Variants in PIP4K2A observed in about 807,000 individuals in gnomAD.
PIP4K2A encodes phosphatidylinositol 5-phosphate 4-kinase type-2 alpha.
A neutral mutation model predicts 42.9 loss-of-function variants in PIP4K2A; 14 were observed. The observed-to-expected ratio is 0.33, with a 90% CI of 0.22 to 0.51. The LOEUF is 0.51. Among genes scored for constraint, PIP4K2A ranks in the 20% least tolerant of loss-of-function variants. The pLI is 0.97. For missense variants in PIP4K2A, 434 were observed against 519.8 expected (o/e 0.83, Z 1.61); for synonymous variants, 192 against 192.2 (o/e 1.00, Z 0.01).
At chr10:22,698,526 T>C (rs1486708110) in intron 1 of PIP4K2A, among the ~76,000 whole-genome samples, 4 of 152,222 alleles carry the variant, frequency 2.6e-5, no homozygotes, top group African/African-American at 9.6e-5. Flanking sequence ...AGCAACATTA[T>C]TTGTGGTGGC....
intron 1 of PIP4K2A, among the ~76,000 whole-genome samples, chr10:22,619,246 A>G (rs1211025380): frequency 2.0e-5 from 3 of 152,114 alleles, no homozygotes; most frequent in Non-Finnish European, 2.9e-5. Flanking sequence ...ATTACAACCT[A>G]CCCTGCAAAC....
intron 1 of PIP4K2A, among the ~76,000 whole-genome samples, chr10:22,658,954 C>T (rs1470549298): frequency 1.3e-5 from 2 of 152,190 alleles, no homozygotes; most frequent in Non-Finnish European, 2.9e-5. Flanking sequence ...CCATAGGGTT[C>T]CTAAGCAAAT....
At chr10:22,667,180 C>T (rs920740587) in intron 1 of PIP4K2A, among the ~76,000 whole-genome samples, 4 of 152,132 alleles carry the variant, frequency 2.6e-5, no homozygotes, top group Admixed American at 6.5e-5. Flanking sequence ...TGGGTACTAA[C>T]GGTTTCACAT....
chr10:22,571,756 T>G (rs1044217518), intron 5 of PIP4K2A, among the ~76,000 whole-genome samples: 1 of 152,230 alleles, frequency 6.6e-6, no homozygotes, highest in Non-Finnish European at 1.5e-5. Flanking sequence ...TAAAACATGC[T>G]TTAACAACTT....
At chr10:22,697,942 C>T (rs1284871663) in intron 1 of PIP4K2A, among the ~76,000 whole-genome samples, 1 of 152,144 alleles carries the variant, frequency 6.6e-6, no homozygotes, top group Admixed American at 6.6e-5. Context: ...TTCTGCCTGC[C>T]ATTAAATGCT....
intron 4 of PIP4K2A, among the ~76,000 whole-genome samples, chr10:22,589,246 A>G (rs1318371325): frequency 6.6e-6 from 1 of 152,252 alleles, no homozygotes. Context: ...AGAATGCATA[A>G]GTATGATATC....
At chr10:22,667,801 A>G (rs1227501471) in intron 1 of PIP4K2A, among the ~76,000 whole-genome samples, 1 of 152,012 alleles carries the variant, frequency 6.6e-6, no homozygotes, top group African/African-American at 2.4e-5. Flanking sequence ...TTTAGAAGTA[A>G]ATAATACTTT....
intron 1 of PIP4K2A, among the ~76,000 whole-genome samples, chr10:22,646,931 C>A (rs765001585): frequency 2.5e-5 from 2 of 81,106 alleles, no homozygotes; most frequent in African/African-American, 9.0e-5. Context: ...CAAAACAAAA[C>A]AAAAAACAAA....
chr10:22,662,636 G>A lies in PIP4K2A; in HGVS notation c.144+51547C>T, dbSNP rs530618307. Among the ~76,000 whole-genome samples the A allele has an allele frequency of 4.6e-5, 7 of 152,264 alleles. No individual in the cohort carries two copies. The East Asian group carries it at 7.7e-4, about 17-fold the overall frequency. The stretch of plus-strand genomic sequence containing the variant: ...CTTAAAAGCTTATTTGCTGAGTAAA[G>A]TAATATAAAAGAAACTTTTAGCCCG... On this transcript the variant is annotated intron_variant, in intron 1 of 9. Coordinates refer to ENST00000376573, the MANE Select transcript of PIP4K2A (RefSeq NM_005028.5).
At chr10:22,661,901 T>C (rs1035349301) in intron 1 of PIP4K2A, 3 of 152,126 alleles carry the variant, frequency 2.0e-5, no homozygotes, top group South Asian at 2.1e-4. Flanking sequence ...CAAGTCTCAG[T>C]AGGGAAAGCA....
chr10:22,605,488 T>G (rs1837886740), intron 3 of PIP4K2A, among the ~76,000 whole-genome samples: 1 of 152,248 alleles, frequency 6.6e-6, no homozygotes, highest in Non-Finnish European at 1.5e-5. Context: ...TGTCTTTGCA[T>G]TTCAGCAACT....
chr10:22,584,583 T>G (rs1272213951), intron 4 of PIP4K2A, among the ~76,000 whole-genome samples: 1 of 152,052 alleles, frequency 6.6e-6, no homozygotes, highest in Non-Finnish European at 1.5e-5. Context: ...CTGGGGAGTG[T>G]GCCGGGCAGC....
At chr10:22,704,890 G>A (rs985083024) in intron 1 of PIP4K2A, among the ~76,000 whole-genome samples, 1 of 152,066 alleles carries the variant, frequency 6.6e-6, no homozygotes, top group South Asian at 2.1e-4. Flanking sequence ...ATGAGAAACT[G>A]AATTTTAAGT....
At chr10:22,697,987 T>C (rs1840004490) in intron 1 of PIP4K2A, among the ~76,000 whole-genome samples, 1 of 152,208 alleles carries the variant, frequency 6.6e-6, no homozygotes, top group Admixed American at 6.5e-5. Flanking sequence ...ATGTGGGCTA[T>C]GGCCAGCAAA....
At chr10:22,655,017 A>T (rs1839070761) in intron 1 of PIP4K2A, among the ~76,000 whole-genome samples, 1 of 152,136 alleles carries the variant, frequency 6.6e-6, no homozygotes, top group East Asian at 1.9e-4. Context: ...AGGAGGGAGG[A>T]CCACCTGGGG....
At chr10:22,664,182 CATATATATACATAT>C (rs1839297044) in intron 1 of PIP4K2A, among the ~76,000 whole-genome samples, 12 of 43,506 alleles carry the variant, frequency 2.8e-4, no homozygotes, top group African/African-American at 2.0e-3. Flanking sequence ...TATATATATA[CATATATATACATAT>C]ATATATACAT....
chr10:22,707,049 G>A (rs1833835621), intron 1 of PIP4K2A, among the ~76,000 whole-genome samples: 1 of 152,060 alleles, frequency 6.6e-6, no homozygotes, highest in Non-Finnish European at 1.5e-5. Flanking sequence ...TTGGGAGGCT[G>A]AGGTGAGAGG....
chr10:22,582,869 T>C (rs1024083085), intron 4 of PIP4K2A, among the ~76,000 whole-genome samples: 47 of 145,418 alleles, frequency 3.2e-4, no homozygotes, highest in African/African-American at 1.1e-3. Context: ...TTAATATAAT[T>C]TGATTTCAAA....
intron 7 of PIP4K2A, among the ~76,000 whole-genome samples, chr10:22,547,112 A>G (rs537041634): frequency 6.6e-6 from 1 of 152,312 alleles, no homozygotes; most frequent in South Asian, 2.1e-4. Flanking sequence ...GTCTAAGACT[A>G]TCCTTCACAA....
Sources: gnomAD v4.1 joint callset for allele counts (sites outside exome capture counted in the v4.1 genomes callset) on GRCh38, gnomAD v4.1.1 for gene constraint, MANE v1.5 for transcripts, NCBI Gene and HGNC (gene_info 2026-07-23, HGNC 2026-07-21) for gene names.